Variants in DLG2 observed in about 807,000 individuals in gnomAD.
The protein encoded by DLG2 is disks large homolog 2.
Under a neutral mutation model 132.5 loss-of-function variants are expected in DLG2, and 45 were observed. The ratio of observed to expected loss-of-function variants is 0.34; its 90% CI spans 0.27 to 0.44. The LOEUF is 0.44. Among genes scored for constraint, DLG2 ranks in the 20% least tolerant of loss-of-function variants. DLG2 has a pLI of 1.00. For missense variants in DLG2, 1,045 were observed against 1,196.9 expected (o/e 0.87, Z 1.87); for synonymous variants, 424 against 419.6 (o/e 1.01, Z -0.13).
At chr11:84,890,272 C>A (rs1279902516) in intron 6 of DLG2, among the ~76,000 whole-genome samples, 1 of 152,108 alleles carries the variant, frequency 6.6e-6, no homozygotes, top group East Asian at 1.9e-4. Context: ...CGTTCAATAA[C>A]TGTTAGTTCC....
At chr11:84,880,046 G>A (rs973256685) in intron 6 of DLG2, among the ~76,000 whole-genome samples, 9 of 151,992 alleles carry the variant, frequency 5.9e-5, no homozygotes, top group East Asian at 1.9e-4. Flanking sequence ...TTTTAAAAAA[G>A]CACAAGAATC....
intron 3 of DLG2, among the ~76,000 whole-genome samples, chr11:85,585,515 A>G (rs1289026941): frequency 6.6e-6 from 1 of 152,118 alleles, no homozygotes; most frequent in Admixed American, 6.5e-5. Context: ...AGTGCTTTCA[A>G]CTTTTCCCCA....
In DLG2 at chr11:85,502,676, G is replaced by A. The variant is rs538625284; in HGVS notation, c.40+95981C>T. On this transcript the variant is annotated intron_variant, in intron 3 of 27. Coordinates refer to ENST00000376104, the MANE Select transcript of DLG2 (RefSeq NM_001142699.3). ...CGGGTTGGGGGCAAGGGGAGGGAGA[G>A]CATTAGGACAAATACCTAATGCACG... Among the ~76,000 whole-genome samples the A allele has an allele frequency of 7.2e-5, 11 of 152,054 alleles. No homozygotes were observed. The South Asian group carries it at 1.9e-3, about 26-fold the overall frequency.
chr11:84,001,990 A>T lies in DLG2; in HGVS notation c.920-21348T>A, dbSNP rs192004327. Reference sequence around the variant, plus strand: ...AGCAATAAACATCATAAACAATCTAAAAATGCAACTCAAGCAATTAGAAAA... The same window carrying T: ...AGCAATAAACATCATAAACAATCTATAAATGCAACTCAAGCAATTAGAAAA... On this transcript the variant is annotated intron_variant, in intron 11 of 27. Coordinates refer to ENST00000376104, the MANE Select transcript of DLG2 (RefSeq NM_001142699.3). Among the ~76,000 whole-genome samples, 26 of 152,268 alleles carry T rather than the reference A, an allele frequency of 1.7e-4. 1 individual carries two copies. The East Asian group carries it at 4.2e-3, about 25-fold the overall frequency.
intron 9 of DLG2, among the ~76,000 whole-genome samples, chr11:84,101,892 T>C (rs896210099): frequency 2.0e-5 from 3 of 152,146 alleles, no homozygotes; most frequent in Non-Finnish European, 4.4e-5. Context: ...AACTTTGTCC[T>C]GTGAGAAAGA....
intron 7 of DLG2, among the ~76,000 whole-genome samples, chr11:84,400,426 AG>A (rs1247565427): frequency 1.3e-5 from 2 of 152,202 alleles, no homozygotes; most frequent in Non-Finnish European, 2.9e-5. Flanking sequence ...TAAGACTGGA[AG>A]TAAAGACTGC....
chr11:84,449,657 A>G (rs1324747866), intron 7 of DLG2, among the ~76,000 whole-genome samples: 1 of 151,888 alleles, frequency 6.6e-6, no homozygotes, highest in Non-Finnish European at 1.5e-5. Flanking sequence ...TTGGTCTAAC[A>G]TCAGCCATTT....
At chr11:83,895,146 T>G (rs2071232443) in intron 15 of DLG2, among the ~76,000 whole-genome samples, 1 of 10,270 alleles carries the variant, frequency 9.7e-5, no homozygotes. Flanking sequence ...AACTACTGTC[T>G]TTTTTTTTTT....
intron 6 of DLG2, among the ~76,000 whole-genome samples, chr11:84,675,252 C>G (rs1413858416): frequency 1.3e-5 from 2 of 152,012 alleles, no homozygotes; most frequent in African/African-American, 4.8e-5. Flanking sequence ...CAAAACTCAT[C>G]ATGGAAATAG....
chr11:85,090,833 T>C (rs2068647166), intron 6 of DLG2, among the ~76,000 whole-genome samples: 1 of 152,138 alleles, frequency 6.6e-6, no homozygotes, highest in Non-Finnish European at 1.5e-5. Context: ...GAGTAATTTA[T>C]AAAGAAAAAA....
intron 3 of DLG2, among the ~76,000 whole-genome samples, chr11:85,519,189 T>G (rs1312380024): frequency 6.6e-6 from 1 of 152,096 alleles, no homozygotes; most frequent in African/African-American, 2.4e-5. Flanking sequence ...ACCACCATCC[T>G]CCAGATCCCA....
chr11:85,229,510 G>A (rs2075174309), intron 4 of DLG2, among the ~76,000 whole-genome samples: 1 of 152,094 alleles, frequency 6.6e-6, no homozygotes, highest in Admixed American at 6.6e-5. Flanking sequence ...GAGAGGATGT[G>A]GAGAAACAGG....
At chr11:83,689,980 ATATATTTATTATAATAT>A (rs1164739875) in intron 18 of DLG2, among the ~76,000 whole-genome samples, 2 of 134,652 alleles carry the variant, frequency 1.5e-5, no homozygotes, top group Admixed American at 7.4e-5. Context: ...TTATATTATA[ATATATTTATTATAATAT>A]TATATTTATT....
At chr11:83,718,925 C>G (rs748094344) in intron 18 of DLG2, among the ~76,000 whole-genome samples, 16 of 152,162 alleles carry the variant, frequency 1.1e-4, no homozygotes, top group Admixed American at 9.8e-4. Flanking sequence ...GCAGCTGGGA[C>G]TAGTTTTGAT....
At chr11:84,636,127 T>C (rs1292583504) in intron 6 of DLG2, among the ~76,000 whole-genome samples, 1 of 152,124 alleles carries the variant, frequency 6.6e-6, no homozygotes, top group Non-Finnish European at 1.5e-5. Context: ...ACAATGCAGA[T>C]TAAGTTTTTC....
chr11:83,909,743 A>G (rs150285804), intron 15 of DLG2, among the ~76,000 whole-genome samples: 62 of 152,264 alleles, frequency 4.1e-4, no homozygotes, highest in Middle Eastern at 3.4e-3. Context: ...TGCTTCATCA[A>G]ATGATTACTG....
At chr11:84,980,343 G>C (rs11605346) in intron 6 of DLG2, among the ~76,000 whole-genome samples, 4 of 152,162 alleles carry the variant, frequency 2.6e-5, no homozygotes, top group Admixed American at 1.3e-4. Context: ...TTCTCACCAA[G>C]AATAAGGCCT....
chr11:83,870,837 C>T (rs12417193), intron 16 of DLG2, among the ~76,000 whole-genome samples: 14,811 of 152,188 alleles, frequency 0.097, 867 homozygotes, highest in Non-Finnish European at 0.13. Flanking sequence ...CTTTGCTGAG[C>T]TGTAGGCCCC....
chr11:83,988,223 A>T (rs1358149534), intron 11 of DLG2, among the ~76,000 whole-genome samples: 1 of 152,054 alleles, frequency 6.6e-6, no homozygotes, highest in Non-Finnish European at 1.5e-5. Context: ...TTATGTCCTG[A>T]ATGGTATTTC....
Sources: gnomAD v4.1 joint callset for allele counts (sites outside exome capture counted in the v4.1 genomes callset) on GRCh38, gnomAD v4.1.1 for gene constraint, MANE v1.5 for transcripts, NCBI Gene and HGNC (gene_info 2026-07-23, HGNC 2026-07-21) for gene names.